Variants in PRDM15 observed in about 807,000 individuals in gnomAD.
The protein encoded by PRDM15 is PR/SET domain 15.
PRDM15 carries 64 observed loss-of-function variants against 128.6 expected under a neutral mutation model. That is an observed-to-expected ratio of 0.50 (90% CI 0.41 to 0.61). The LOEUF is 0.61. Among genes scored for constraint, PRDM15 ranks in the 20% least tolerant of loss-of-function variants. The pLI is 0.00. For missense variants in PRDM15, 1,242 were observed against 1,569.1 expected (o/e 0.79, Z 3.52); for synonymous variants, 615 against 621.8 (o/e 0.99, Z 0.16).
chr21:41,861,665 C>T (rs757529774), intron 1 of PRDM15: 2 of 1,614,136 alleles, frequency 1.2e-6, no homozygotes, highest in Non-Finnish European at 1.7e-6. Flanking sequence ...ACACGCCCTC[C>T]ACCCCGCTCA....
chr21:41,823,737 T>A (rs1003401809), intron 13 of PRDM15, among the ~76,000 whole-genome samples: 1 of 152,218 alleles, frequency 6.6e-6, no homozygotes, highest in African/African-American at 2.4e-5. Context: ...TTTAAGCCCA[T>A]TTAAATATTT....
intron 21 of PRDM15, among the ~76,000 whole-genome samples, chr21:41,806,039 C>T (rs868179498): frequency 0.011 from 305 of 29,006 alleles, 14 homozygotes; most frequent in Admixed American, 0.018. Context: ...ACCATCACCA[C>T]CACCATCACC....
rs1157350147 is a variant in PRDM15 at position 41,800,528 on chromosome 21, C to G, written c.*712G>C. ...TTAAAAAAAAAAAAGGAAAAAAACT[C>G]TATTGGAAATCGATTCATGGATATT... On this transcript the variant is annotated 3_prime_UTR_variant, in exon 24 of 24. Transcript: ENST00000398548. The G allele has an allele frequency of 6.6e-6, 1 of 152,094 alleles. No homozygotes were observed. The highest frequency in any genetic ancestry group is 1.5e-5 in the Non-Finnish European group (1 of 67,994). The allele number at this position is 152,094 out of a possible 1,614,324, so 9.4% of individuals were successfully genotyped here. A position where few individuals can be genotyped will look rare whatever the true frequency, so the allele number is the denominator to read the frequency against.
At chr21:41,867,204 G>C (rs1040562455) in intron 1 of PRDM15, 1 of 851,038 alleles carries the variant, frequency 1.2e-6, no homozygotes, top group Non-Finnish European at 1.9e-6. Flanking sequence ...TGACCCTGCA[G>C]AAGGCAGCCA....
intron 6 of PRDM15, among the ~76,000 whole-genome samples, chr21:41,843,952 A>T (rs1478716710): frequency 0.037 from 4,124 of 112,208 alleles, 179 homozygotes; most frequent in African/African-American, 0.13. Flanking sequence ...TTGTATTGTA[A>T]AAAAAAAAAA....
At chr21:41,865,716 G>C (rs2063985169) in intron 1 of PRDM15, among the ~76,000 whole-genome samples, 1 of 152,096 alleles carries the variant, frequency 6.6e-6, no homozygotes, top group African/African-American at 2.4e-5. Context: ...ATAATGTCAT[G>C]CACATGGTCT....
chr21:41,853,961 T>C (rs2063502719), intron 5 of PRDM15, among the ~76,000 whole-genome samples: 1 of 152,324 alleles, frequency 6.6e-6, no homozygotes, highest in South Asian at 2.1e-4. Flanking sequence ...ACAGGGCTAG[T>C]ACCCCAGCCT....
At chr21:41,834,345 C>T (rs2062796564) in intron 11 of PRDM15, among the ~76,000 whole-genome samples, 2 of 152,186 alleles carry the variant, frequency 1.3e-5, no homozygotes, top group South Asian at 4.1e-4. Flanking sequence ...CTCACATGGC[C>T]CATGTGCGAC....
intron 11 of PRDM15, chr21:41,834,613 C>A: frequency 6.8e-7 from 1 of 1,470,458 alleles, no homozygotes; most frequent in South Asian, 1.2e-5. Context: ...CCTCTGTGCC[C>A]CGCTGGGGAC....
chr21:41,829,597 T>C (rs1207717353), intron 11 of PRDM15, among the ~76,000 whole-genome samples: 2 of 145,258 alleles, frequency 1.4e-5, no homozygotes, highest in East Asian at 4.1e-4. Flanking sequence ...ACACACCACA[T>C]ACACTATCAC....
At chr21:41,815,630 C>G in intron 19 of PRDM15, 75 bp downstream of exon 19, 1 of 1,576,370 alleles carries the variant, frequency 6.3e-7, no homozygotes, top group Admixed American at 1.7e-5. Flanking sequence ...AGGCGGCTCT[C>G]TCTTCTCCCA....
chr21:41,851,074 G>A (rs545000623), intron 5 of PRDM15, among the ~76,000 whole-genome samples: 29 of 152,246 alleles, frequency 1.9e-4, no homozygotes, highest in South Asian at 1.2e-3. Flanking sequence ...CAATGGCCCC[G>A]GAGGCCACTC....
intron 18 of PRDM15, among the ~76,000 whole-genome samples, chr21:41,817,552 G>A (rs1210123720): frequency 6.6e-6 from 1 of 152,106 alleles, no homozygotes. Flanking sequence ...AGTGTTTCTT[G>A]CAACACTGTA....
At chr21:41,857,421 G>T in intron 3 of PRDM15, 92 bp from the exon 4 acceptor site, 1 of 1,337,800 alleles carries the variant, frequency 7.5e-7, no homozygotes, top group African/African-American at 1.5e-5. Flanking sequence ...CTCACTGACC[G>T]CCAGGGTTCT....
chr21:41,879,004 C>T lies in PRDM15; in HGVS notation c.-10+266G>A. 3.0e-6 allele frequency: 3 copies of T among 1,011,590 alleles called. No homozygotes were observed. Among genetic ancestry groups the T allele is most frequent in the Non-Finnish European group, 3.6e-6 (3 of 838,864 alleles). The allele number at this position is 1,011,590 out of a possible 1,614,324, so 62.7% of individuals were successfully genotyped here. A position where few individuals can be genotyped will look rare whatever the true frequency, so the allele number is the denominator to read the frequency against. ...GCCCGCGGCGGCGGGACCCGGCGGG[C>T]GGGCGGCGCGCAGGGCGATCCCGGA... On this transcript the variant is annotated intron_variant, in intron 1 of 23. Transcript: ENST00000398548. This position sits in a 1 kb window ranked among gnomAD's most constrained non-coding sequence, Gnocchi z 5.1.
chr21:41,804,210 C>T (rs1409221973), intron 22 of PRDM15, among the ~76,000 whole-genome samples: 1 of 152,174 alleles, frequency 6.6e-6, no homozygotes, highest in Non-Finnish European at 1.5e-5. Flanking sequence ...GTGATCTGCC[C>T]GCCTTGGCCT....
chr21:41,864,352 A>G (rs1315814027), intron 1 of PRDM15, among the ~76,000 whole-genome samples: 5 of 152,210 alleles, frequency 3.3e-5, no homozygotes, highest in Admixed American at 6.5e-5. Context: ...TTAGAAAAAC[A>G]GAGAAAATCT....
chr21:41,833,623 T>C (rs1243137428), intron 11 of PRDM15, among the ~76,000 whole-genome samples: 1 of 152,266 alleles, frequency 6.6e-6, no homozygotes, highest in Non-Finnish European at 1.5e-5. Context: ...TTATCCTTTC[T>C]GTTCAGTCTA....
rs1240124682 is a variant in PRDM15, at chr21:41,804,619, G to C, written c.2653-5C>G. On this transcript the variant is annotated splice_polypyrimidine_tract_variant and splice_region_variant and intron_variant, in intron 21 of 23. Coordinates refer to ENST00000398548, the MANE Select transcript of PRDM15 (RefSeq NM_001040424.3). ...ATCGATCCTCACCGCGAGCACCTAT[G>C]AGGAGCACAGGGCATGAGCTGGGGG... The C allele has an allele frequency of 2.6e-6, 4 of 1,553,768 alleles. No individual in the cohort carries two copies. The highest frequency in any genetic ancestry group is 3.5e-6 in the Non-Finnish European group (4 of 1,149,204).
Sources: gnomAD v4.1 joint callset for allele counts (sites outside exome capture counted in the v4.1 genomes callset) on GRCh38, gnomAD v4.1.1 for gene constraint, Gnocchi (gnomAD v3.1) non-coding constraint, MANE v1.5 for transcripts, NCBI Gene and HGNC (gene_info 2026-07-23, HGNC 2026-07-21) for gene names.